Variants in ASAH1 observed in about 807,000 individuals in gnomAD.
The protein encoded by ASAH1 is N-acylsphingosine amidohydrolase 1, also known as acid ceramidase.
ASAH1 carries 70 observed loss-of-function variants against 59.5 expected under a neutral mutation model. The observed-to-expected ratio is 1.18, with a 90% CI of 0.97 to 1.43. The LOEUF (loss-of-function observed/expected upper bound fraction) is 1.43. Among genes scored for constraint, ASAH1 ranks in the 40% most tolerant of loss-of-function variants. ASAH1 has a pLI of 0.00. For missense variants in ASAH1, 660 were observed against 482.5 expected, an observed-to-expected ratio of 1.37 and a Z score of -3.45; for synonymous variants, 213 against 166.5, an observed-to-expected ratio of 1.28 and a Z score of -2.15.
chr8:18,059,763 C>T, intron 10 of ASAH1, 60 bp from the exon 11 acceptor site: 10 of 1,467,042 alleles, frequency 6.8e-6, no homozygotes, highest in Non-Finnish European at 9.3e-6. Context: ...TAAATAACTT[C>T]ATTTATTTTT....
At chr8:18,073,646 A>G (rs576889625) in intron 2 of ASAH1, among the ~76,000 whole-genome samples, 8 of 152,374 alleles carry the variant, frequency 5.3e-5, no homozygotes, top group Admixed American at 3.9e-4. Context: ...CATGCTGGCC[A>G]AACAGGTTAT....
intron 5 of ASAH1, 124 bp from the exon 6 acceptor site, chr8:18,064,655 T>TG: frequency 1.5e-6 from 1 of 660,130 alleles, no homozygotes; most frequent in East Asian, 2.7e-5. Flanking sequence ...GGGGCTGTGC[T>TG]GGAACGGCCG....
chr8:18,061,815 A>C (rs1388089426), intron 8 of ASAH1, 75 bp from the exon 9 acceptor site: 1 of 1,352,046 alleles, frequency 7.4e-7, no homozygotes, highest in African/African-American at 1.4e-5. Flanking sequence ...ACTGTACTTC[A>C]GAGTGGGATA....
intron 9 of ASAH1, 108 bp downstream of exon 9, chr8:18,061,578 C>A: frequency 6.8e-7 from 1 of 1,460,426 alleles, no homozygotes; most frequent in South Asian, 1.2e-5. Flanking sequence ...GACTTTGTAA[C>A]CAGTCGGGAA....
chr8:18,074,435 T>G (rs189360938), intron 2 of ASAH1, among the ~76,000 whole-genome samples: 129 of 152,322 alleles, frequency 8.5e-4, no homozygotes, highest in African/African-American at 2.9e-3. Context: ...CAGAGGCTAT[T>G]TAAAATACAT....
chr8:18,058,847 A>G lies in ASAH1; in HGVS notation c.1086T>C (p.Pro362=), dbSNP rs1237604541. The G allele has an allele frequency of 1.2e-6, 2 of 1,611,962 alleles. No individual in the cohort carries two copies. Among genetic ancestry groups the G allele is most frequent in the Admixed American group, 3.3e-5 (2 of 60,008 alleles). Residue 362 remains proline, a synonymous_variant, in exon 13 of 14, where the codon CCT becomes CCC. Transcript: ENST00000637790. Reference sequence around the variant, plus strand: ...ACATTTAAAATACCTTGTTGAGGACAGGTTTTGTTGACAGGACATCATACA... The same window carrying G: ...ACATTTAAAATACCTTGTTGAGGACGGGTTTTGTTGACAGGACATCATACA... ...ETMYDVLSTK[P]VLNKLTVYTT...
chr8:18,066,768 T>C (rs188809691), intron 5 of ASAH1: 10 of 169,000 alleles, frequency 5.9e-5, no homozygotes, highest in African/African-American at 2.3e-4. Context: ...CAAAATGTAC[T>C]ACAATATTTA....
In ASAH1 at chr8:18,059,733, A is replaced by G. The variant is rs773378421; in HGVS notation, c.786-30T>C. On this transcript the variant is annotated intron_variant, in intron 10 of 13. Transcript: ENST00000637790. ...ATAGAAACATTTAAAAAGAAAAATG[A>G]AACTTTTTTTTAATTTTAGTAAATA... 8 of 1,566,108 alleles carry G rather than the reference A, an allele frequency of 5.1e-6. No individual in the cohort carries two copies. In the South Asian group the frequency reaches 8.3e-5, roughly 16 times the overall value.
intron 1 of ASAH1, among the ~76,000 whole-genome samples, chr8:18,078,751 G>A (rs1270534303): frequency 6.6e-6 from 1 of 152,082 alleles, no homozygotes; most frequent in African/African-American, 2.4e-5. Flanking sequence ...ATAGATGATA[G>A]GTAAAGATTA....
At chr8:18,057,755 C>A in intron 13 of ASAH1, 132 bp from the exon 14 acceptor site, 1 of 429,176 alleles carries the variant, frequency 2.3e-6, no homozygotes, top group Non-Finnish European at 4.2e-6. Flanking sequence ...TTAATATATG[C>A]AAAGCATGTT....
chr8:18,064,241 G>C (rs949408953), intron 6 of ASAH1: 8 of 583,292 alleles, frequency 1.4e-5, no homozygotes, highest in Non-Finnish European at 2.4e-5. Context: ...CAGGTTTTTT[G>C]CATGTCTGAA....
chr8:18,084,436 A>T, upstream of ASAH1: 3 of 1,361,430 alleles, frequency 2.2e-6, no homozygotes, highest in East Asian at 2.7e-5. Flanking sequence ...CGCCTCTAGC[A>T]GGCGGGTGCA....
chr8:18,064,561 T>A (rs769803714), intron 5 of ASAH1, 30 bp from the exon 6 acceptor site: 12 of 1,255,918 alleles, frequency 9.6e-6, no homozygotes, highest in Non-Finnish European at 1.4e-5. Context: ...TGTGTTAATA[T>A]ACAGAACCAT....
At chr8:18,084,861 C>G (rs774033929), upstream of ASAH1, 13 of 1,599,704 alleles carry the variant, frequency 8.1e-6, no homozygotes, top group Non-Finnish European at 1.1e-5. Flanking sequence ...CAGAGCTCAG[C>G]TTGGGAGGAG....
intron 10 of ASAH1, chr8:18,060,737 C>T (rs1799659791): frequency 1.3e-5 from 2 of 152,432 alleles, no homozygotes; most frequent in African/African-American, 2.4e-5. Flanking sequence ...ATATGTAGTA[C>T]ATTTTGTATT....
upstream of ASAH1, chr8:18,084,561 A>C: frequency 2.6e-6 from 4 of 1,530,968 alleles, no homozygotes; most frequent in Non-Finnish European, 3.6e-6. Context: ...AAGCGGCCCG[A>C]AATGAGTTGA....
At chr8:18,080,914 A>C (rs1800625160) in intron 1 of ASAH1, among the ~76,000 whole-genome samples, 1 of 152,130 alleles carries the variant, frequency 6.6e-6, no homozygotes, top group South Asian at 2.1e-4. Context: ...TGTGCAAGTT[A>C]CTTAGCCTTT....
chr8:18,059,960 G>A (rs140290649), intron 10 of ASAH1: 19 of 393,716 alleles, frequency 4.8e-5, no homozygotes, highest in East Asian at 1.7e-4. Context: ...GCCCTGGTGC[G>A]TGATGTTCCC....
chr8:18,061,364 C>T lies in ASAH1; in HGVS notation c.785+13G>A, dbSNP rs553460936. 4.6e-5 allele frequency: 74 copies of T among 1,597,428 alleles called. No homozygotes were observed. Among genetic ancestry groups the T allele is most frequent in the Middle Eastern group, 1.7e-4 (1 of 6,060 alleles). ...AAATAAATATTTAATAGTAAAGCAA[C>T]GAAACACTTTACCTTGTGCTATTTT... On this transcript the variant is annotated intron_variant, in intron 10 of 13. Transcript: ENST00000637790.
Sources: allele counts gnomAD v4.1 joint callset (sites outside exome capture counted in the v4.1 genomes callset), GRCh38; gene constraint gnomAD v4.1.1; transcripts MANE v1.5; gene names NCBI Gene and HGNC (gene_info 2026-07-23, HGNC 2026-07-21).